Variants in MAP3K13 observed in about 807,000 individuals in gnomAD.
MAP3K13 encodes the protein leucine zipper-bearing kinase.
In MAP3K13, 52 loss-of-function variants were observed where a neutral mutation model predicts 104.0. The ratio of observed to expected loss-of-function variants is 0.50; its 90% CI spans 0.40 to 0.63. The LOEUF is 0.63. MAP3K13 is among the 20% of genes least tolerant of loss of function. The pLI is 0.00. For missense variants in MAP3K13, 914 were observed against 1,218.5 expected, an observed-to-expected ratio of 0.75 and a Z score of 3.72; for synonymous variants, 394 against 442.2, an observed-to-expected ratio of 0.89 and a Z score of 1.37.
chr3:185,338,554 C>T (rs554184385), intron 2 of MAP3K13, among the ~76,000 whole-genome samples: 1 of 152,280 alleles, frequency 6.6e-6, no homozygotes, highest in South Asian at 2.1e-4. Context: ...TGCTGGTTCA[C>T]TGAATAAGGA....
intron 2 of MAP3K13, among the ~76,000 whole-genome samples, chr3:185,355,432 A>G (rs1723311661): frequency 1.3e-5 from 2 of 149,810 alleles, no homozygotes; most frequent in African/African-American, 4.9e-5. Flanking sequence ...GTGCCACTGC[A>G]CTCCAGCCTG....
At chr3:185,326,845 A>T (rs1390818161) in intron 2 of MAP3K13, among the ~76,000 whole-genome samples, 1 of 152,250 alleles carries the variant, frequency 6.6e-6, no homozygotes, top group Non-Finnish European at 1.5e-5. Context: ...CATTTATAAA[A>T]GTACAGCACC....
chr3:185,362,930 A>AACACACACACACACACACACAC (rs772942357), upstream of MAP3K13: 83 of 132,278 alleles, frequency 6.3e-4, 3 homozygotes, highest in East Asian at 2.6e-3. Context: ...CACAGCTTGA[A>AACACACACACACACACACACAC]ACACACACAC....
chr3:185,488,953 C>T lies in MAP3K13; in HGVS notation c.*6497C>T, dbSNP rs1718852577. ...CAAATGAACCTCCTTACCTGGCTCC[C>T]CTCTGGTCTCCTGTACTGTCAGTCC... On this transcript the variant is annotated 3_prime_UTR_variant, in exon 14 of 14. Coordinates refer to ENST00000265026, the MANE Select transcript of MAP3K13 (RefSeq NM_004721.5). 6.6e-6 allele frequency: 1 copy of T among 152,256 alleles called. No homozygotes were observed. The highest frequency in any genetic ancestry group is 1.5e-5 in the Non-Finnish European group (1 of 68,074). The allele number at this position is 152,256 out of a possible 1,614,324, so 9.4% of individuals were successfully genotyped here.
At chr3:185,337,194 C>T (rs1313466969) in intron 2 of MAP3K13, among the ~76,000 whole-genome samples, 3 of 152,186 alleles carry the variant, frequency 2.0e-5, no homozygotes, top group African/African-American at 4.8e-5. Context: ...TGTAAGCCAT[C>T]GCAGCCGGCC....
intron 2 of MAP3K13, among the ~76,000 whole-genome samples, chr3:185,329,997 A>G (rs1012609386): frequency 1.5e-5 from 2 of 135,660 alleles, no homozygotes; most frequent in Admixed American, 1.8e-4. Flanking sequence ...CTCCTGCTTC[A>G]GCCTCCCAAG....
chr3:185,410,451 C>T (rs888444300), intron 1 of MAP3K13, among the ~76,000 whole-genome samples: 1 of 152,044 alleles, frequency 6.6e-6, no homozygotes, highest in Non-Finnish European at 1.5e-5. Context: ...GGATGACTAT[C>T]GTTAACAATA....
At chr3:185,390,110 A>T (rs560873781) in intron 1 of MAP3K13, among the ~76,000 whole-genome samples, 1 of 152,298 alleles carries the variant, frequency 6.6e-6, no homozygotes, top group South Asian at 2.1e-4. Context: ...TATTATGTAA[A>T]TAATTCACAG....
intron 2 of MAP3K13, among the ~76,000 whole-genome samples, chr3:185,327,895 G>C (rs1173023525): frequency 7.0e-6 from 1 of 143,110 alleles, no homozygotes; most frequent in East Asian, 2.3e-4. Flanking sequence ...CGGGACAACA[G>C]AGTGAGACTC....
chr3:185,364,581 T>C (rs558870926), intron 1 of MAP3K13, among the ~76,000 whole-genome samples: 49 of 152,234 alleles, frequency 3.2e-4, no homozygotes, highest in Non-Finnish European at 6.0e-4. Flanking sequence ...GGCTATAATA[T>C]CTTTTGAATT....
intron 1 of MAP3K13, chr3:185,417,402 C>CT (rs1713840477): frequency 2.4e-6 from 3 of 1,250,822 alleles, no homozygotes; most frequent in Non-Finnish European, 2.2e-6. Flanking sequence ...CTTTTCTTTT[C>CT]TTTTTTTCCT....
chr3:185,461,997 A>C (rs1039211629), intron 7 of MAP3K13, among the ~76,000 whole-genome samples: 5 of 152,086 alleles, frequency 3.3e-5, no homozygotes, highest in Non-Finnish European at 7.4e-5. Flanking sequence ...CAATAGGGAG[A>C]CTCCCACCAA....
chr3:185,392,935 C>G (rs1226579538), intron 1 of MAP3K13, among the ~76,000 whole-genome samples: 3 of 151,862 alleles, frequency 2.0e-5, no homozygotes, highest in African/African-American at 7.3e-5. Context: ...GCCTGTAATC[C>G]TAGCTACTCG....
intron 2 of MAP3K13, among the ~76,000 whole-genome samples, chr3:185,431,856 C>T (rs2148885481): frequency 6.6e-6 from 1 of 152,292 alleles, no homozygotes; most frequent in South Asian, 2.1e-4. Flanking sequence ...ACTGGTATAT[C>T]TATCACTTCC....
chr3:185,402,705 T>C (rs767750385), intron 1 of MAP3K13, among the ~76,000 whole-genome samples: 12 of 152,188 alleles, frequency 7.9e-5, no homozygotes, highest in Non-Finnish European at 1.8e-4. Context: ...GTTGTTTGGC[T>C]TCATTGGACT....
chr3:185,408,751 G>C (rs2108783751), intron 1 of MAP3K13, among the ~76,000 whole-genome samples: 1 of 152,268 alleles, frequency 6.6e-6, no homozygotes, highest in African/African-American at 2.4e-5. Flanking sequence ...TTGAAAACCT[G>C]CACTCTTTGC....
intron 1 of MAP3K13, among the ~76,000 whole-genome samples, chr3:185,392,343 A>G (rs532214165): frequency 6.6e-6 from 1 of 152,324 alleles, no homozygotes; most frequent in East Asian, 1.9e-4. Context: ...GACGGAATAC[A>G]GGCTCCACAG....
In MAP3K13 at chr3:185,329,115, A is replaced by G. The variant is rs1428330553; in HGVS notation, c.-86+43472A>G. 1.4e-5 allele frequency: 8 copies of G among 589,062 alleles called. No homozygotes were observed. The African/African-American group carries it at 1.5e-4, about 11-fold the overall frequency. The allele number at this position is 589,062 out of a possible 1,614,324, so 36.5% of individuals were successfully genotyped here. A position where few individuals can be genotyped will look rare whatever the true frequency, so the allele number is the denominator to read the frequency against. ...AAAGAAAGTTTCAGCACTCAGCAGT[A>G]GTTTTATTTTTTTTTAATGGAAAAG... On this transcript the variant is annotated intron_variant, in intron 2 of 14. Transcript: ENST00000424227.
chr3:185,412,948 T>G lies in MAP3K13; in HGVS notation c.-85-15549T>G, dbSNP rs1410912090. 2.6e-5 allele frequency among the ~76,000 whole-genome samples: 4 copies of G among 152,334 alleles called. No individual in the cohort carries two copies. The East Asian group carries it at 7.7e-4, about 29-fold the overall frequency. On this transcript the variant is annotated intron_variant, in intron 1 of 13. Coordinates refer to ENST00000265026, the MANE Select transcript of MAP3K13 (RefSeq NM_004721.5). ...CTTTCACCTACACTAGTGCTATGAT[T>G]AGGAGCTTCAAGGAATGATGGTAGC... is the stretch of plus-strand genomic sequence containing the variant.
Sources: allele counts gnomAD v4.1 joint callset (sites outside exome capture counted in the v4.1 genomes callset), GRCh38; gene constraint gnomAD v4.1.1; transcripts MANE v1.5; gene names NCBI Gene and HGNC (gene_info 2026-07-23, HGNC 2026-07-21).